Variants in BAIAP2L1 observed in about 807,000 individuals in gnomAD.
BAIAP2L1 encodes the protein BAR/IMD domain containing adaptor protein 2 like 1.
In BAIAP2L1, 35 loss-of-function variants were observed where a neutral mutation model predicts 66.3. The ratio of observed to expected loss-of-function variants is 0.53; its 90% CI spans 0.40 to 0.70. BAIAP2L1 has a LOEUF of 0.70. BAIAP2L1 is among the 30% of genes least tolerant of loss of function. The probability of loss-of-function intolerance (pLI) is 0.00; values close to 1 mark genes in which losing one functional copy is unlikely to be tolerated. For synonymous variants in BAIAP2L1, 269 were observed against 248.7 expected (o/e 1.08, Z -0.77); for missense variants, 622 against 656.9 (o/e 0.95, Z 0.58).
At chr7:98,391,536 T>G (rs1055934447) in intron 1 of BAIAP2L1, among the ~76,000 whole-genome samples, 1 of 151,544 alleles carries the variant, frequency 6.6e-6, no homozygotes, top group Non-Finnish European at 1.5e-5. Flanking sequence ...AGGGAAACCC[T>G]GACTCTACTA....
chr7:98,320,035 C>A (rs1584452935), intron 5 of BAIAP2L1, 23 bp downstream of exon 5: 1 of 1,602,668 alleles, frequency 6.2e-7, no homozygotes, highest in Non-Finnish European at 8.5e-7. Context: ...AAGGCTGGGG[C>A]TGGAGGAAAA....
intron 1 of BAIAP2L1, chr7:98,386,112 T>C (rs1584503916): frequency 5.0e-6 from 8 of 1,590,374 alleles, no homozygotes; most frequent in Non-Finnish European, 5.1e-6. Context: ...GGCGGACCTG[T>C]TGGTGCTGAG....
intron 3 of BAIAP2L1, among the ~76,000 whole-genome samples, chr7:98,329,472 T>C (rs1451361420): frequency 2.6e-5 from 4 of 152,114 alleles, no homozygotes; most frequent in Non-Finnish European, 1.5e-5. Context: ...GTTTTACGTC[T>C]AGGAGTCCCA....
intron 2 of BAIAP2L1, among the ~76,000 whole-genome samples, chr7:98,357,026 T>TAA (rs1802144208): frequency 9.5e-5 from 1 of 10,530 alleles, no homozygotes; most frequent in African/African-American, 3.5e-4. Context: ...AAAAAATATA[T>TAA]ATATATATAT....
Position 98,330,668 on chromosome 7 carries a change from TAAAAA to T in BAIAP2L1, c.215-10375_215-10371del, listed in dbSNP as rs563907175. ...CAAAACTGTTTCAAAAAAATAATAATAAAAATAAAAAATAAAGGAGGTTTATTTGG... is the reference window on the plus strand; with the variant it reads ...CAAAACTGTTTCAAAAAAATAATAATTAAAAAATAAAGGAGGTTTATTTGG... On this transcript the variant is annotated intron_variant, in intron 3 of 13. Transcript: ENST00000005260. Among the ~76,000 whole-genome samples the T allele has an allele frequency of 3.4e-4, 52 of 152,022 alleles. No individual in the cohort carries two copies. In the South Asian group the frequency reaches 0.01, roughly 30 times the overall value.
chr7:98,335,238 TC>T (rs1801590076), intron 3 of BAIAP2L1, among the ~76,000 whole-genome samples: 1 of 149,344 alleles, frequency 6.7e-6, no homozygotes, highest in Non-Finnish European at 1.5e-5. Context: ...AAATATCCCA[TC>T]CCTTCTCTCT....
intron 1 of BAIAP2L1, among the ~76,000 whole-genome samples, chr7:98,378,654 T>A (rs1296648185): frequency 6.6e-6 from 1 of 152,158 alleles, no homozygotes; most frequent in Non-Finnish European, 1.5e-5. Flanking sequence ...TTTTTTTTTT[T>A]AGACTAAGTC....
chr7:98,387,317 C>A (rs916513242), intron 1 of BAIAP2L1, among the ~76,000 whole-genome samples: 1 of 152,096 alleles, frequency 6.6e-6, no homozygotes, highest in Non-Finnish European at 1.5e-5. Flanking sequence ...CTGGTGGTAA[C>A]CATGGTGCTT....
chr7:98,391,064 G>A (rs1401242766), intron 1 of BAIAP2L1, among the ~76,000 whole-genome samples: 2 of 150,220 alleles, frequency 1.3e-5, no homozygotes, highest in African/African-American at 2.5e-5. Context: ...GGATGGTCTC[G>A]ATCTCTTGAC....
intron 7 of BAIAP2L1, among the ~76,000 whole-genome samples, chr7:98,313,323 C>T (rs781602340): frequency 1.3e-5 from 2 of 152,096 alleles, no homozygotes; most frequent in African/African-American, 4.8e-5. Flanking sequence ...ATTTGGTCTG[C>T]GTCACTCTAG....
At chr7:98,359,712 A>G (rs1802221414) in intron 2 of BAIAP2L1, among the ~76,000 whole-genome samples, 1 of 148,846 alleles carries the variant, frequency 6.7e-6, no homozygotes, top group South Asian at 2.1e-4. Flanking sequence ...ACTGGTCTGT[A>G]CAATGCTCCT....
chr7:98,331,847 T>C (rs1466516112), intron 3 of BAIAP2L1, among the ~76,000 whole-genome samples: 1 of 152,130 alleles, frequency 6.6e-6, no homozygotes, highest in African/African-American at 2.4e-5. Flanking sequence ...CAGACTTCTA[T>C]TTACAAACCA....
intron 1 of BAIAP2L1, among the ~76,000 whole-genome samples, chr7:98,365,937 C>T (rs1802381109): frequency 6.6e-6 from 1 of 152,172 alleles, no homozygotes; most frequent in South Asian, 2.1e-4. Flanking sequence ...GTTAGAGACT[C>T]TCCTCAAACG....
chr7:98,307,046 T>C (rs1189860381), intron 10 of BAIAP2L1: 1 of 159,984 alleles, frequency 6.3e-6, no homozygotes, highest in African/African-American at 2.4e-5. Flanking sequence ...GCATTCAAAC[T>C]ACCTACGTGC....
At chr7:98,392,341 C>T (rs983528581) in intron 1 of BAIAP2L1, among the ~76,000 whole-genome samples, 9 of 151,866 alleles carry the variant, frequency 5.9e-5, no homozygotes, top group African/African-American at 2.2e-4. Flanking sequence ...AGTGAACCTC[C>T]GTTTCAAAAA....
chr7:98,372,203 C>T (rs1265065411), intron 1 of BAIAP2L1, among the ~76,000 whole-genome samples: 1 of 151,950 alleles, frequency 6.6e-6, no homozygotes. Context: ...GTCAGGAGTT[C>T]GAGACCAACC....
chr7:98,323,611 C>G (rs1056739844), intron 3 of BAIAP2L1, among the ~76,000 whole-genome samples: 1 of 152,240 alleles, frequency 6.6e-6, no homozygotes, highest in Non-Finnish European at 1.5e-5. Flanking sequence ...ACCTGGTGCT[C>G]TGGCCTGGCC....
chr7:98,335,288 A>G (rs1801591543), intron 3 of BAIAP2L1, among the ~76,000 whole-genome samples: 2 of 147,842 alleles, frequency 1.4e-5, no homozygotes, highest in African/African-American at 4.9e-5. Flanking sequence ...TCCACTTCCA[A>G]CGCTGACCAT....
intron 2 of BAIAP2L1, among the ~76,000 whole-genome samples, chr7:98,357,047 ATATT>A (rs1371606916): frequency 1.1e-3 from 18 of 16,486 alleles, no homozygotes; most frequent in African/African-American, 3.4e-3. Flanking sequence ...ATATATATAT[ATATT>A]TTTTTTTTTT....
Sources: gnomAD v4.1 joint callset for allele counts (sites outside exome capture counted in the v4.1 genomes callset) on GRCh38, gnomAD v4.1.1 for gene constraint, MANE v1.5 for transcripts, NCBI Gene and HGNC (gene_info 2026-07-23, HGNC 2026-07-21) for gene names.